The following SLC22A3 variants were observed in gnomAD, a reference collection of about 807,000 sequenced individuals.
SLC22A3 encodes solute carrier family 22 member 3.
Under a neutral mutation model 59.1 loss-of-function variants are expected in SLC22A3, and 51 were observed. The ratio of observed to expected loss-of-function variants is 0.86; its 90% CI spans 0.69 to 1.09. The LOEUF (loss-of-function observed/expected upper bound fraction) is 1.09. Among genes scored for constraint, SLC22A3 ranks in the 50% least tolerant of loss-of-function variants. SLC22A3 has a pLI of 0.00. For synonymous variants in SLC22A3, 325 were observed against 292.0 expected (o/e 1.11, Z -1.15); for missense variants, 711 against 726.3 (o/e 0.98, Z 0.24).
At chr6:160,435,911 C>T (rs1354034718) in intron 5 of SLC22A3, among the ~76,000 whole-genome samples, 2 of 152,248 alleles carry the variant, frequency 1.3e-5, no homozygotes, top group East Asian at 1.9e-4. Context: ...AATGCACTCC[C>T]GCCTTCCAAG....
intron 5 of SLC22A3, among the ~76,000 whole-genome samples, chr6:160,430,979 G>T (rs191351810): frequency 6.6e-6 from 1 of 152,270 alleles, no homozygotes; most frequent in East Asian, 1.9e-4. Flanking sequence ...AACTTTTGGG[G>T]ATCATGGAAA....
chr6:160,373,901 C>T (rs543296049), intron 1 of SLC22A3, among the ~76,000 whole-genome samples: 10 of 152,290 alleles, frequency 6.6e-5, no homozygotes, highest in Admixed American at 3.9e-4. Flanking sequence ...ACTGCTGTGC[C>T]GGCAGCAAGA....
rs137983387 is a variant in SLC22A3, at chr6:160,440,263, G to C, written c.1289-2498G>C. 6.9e-3 allele frequency among the ~76,000 whole-genome samples: 1,049 copies of C among 152,286 alleles called. 16 individuals carry two copies. The highest frequency in any genetic ancestry group is 0.024 in the African/African-American group (1,011 of 41,566). ...ACCACAAACCTAGCAGTTTGGATAA[G>C]TCGTCTTCTTGAACTGGAAAACTTG... On this transcript the variant is annotated intron_variant, in intron 7 of 10. Coordinates refer to ENST00000275300, the MANE Select transcript of SLC22A3 (RefSeq NM_021977.4).
At chr6:160,442,267 C>T (rs1362036033) in intron 7 of SLC22A3, among the ~76,000 whole-genome samples, 1 of 152,192 alleles carries the variant, frequency 6.6e-6, no homozygotes, top group Non-Finnish European at 1.5e-5. Flanking sequence ...AAGCTTGCTC[C>T]ACTCTAGAAA....
intron 2 of SLC22A3, among the ~76,000 whole-genome samples, chr6:160,401,723 A>G (rs1002876006): frequency 1.3e-5 from 2 of 152,008 alleles, no homozygotes; most frequent in African/African-American, 2.4e-5. Context: ...ATAAGCATAC[A>G]TAAGCATATA....
At chr6:160,352,689 A>G (rs1583436015) in intron 1 of SLC22A3, among the ~76,000 whole-genome samples, 1 of 152,176 alleles carries the variant, frequency 6.6e-6, no homozygotes, top group South Asian at 2.1e-4. Flanking sequence ...GTTTGTTTTT[A>G]TTAGAAGAGT....
At chr6:160,349,735 G>GTAA (rs1001109073) in intron 1 of SLC22A3, among the ~76,000 whole-genome samples, 1 of 152,188 alleles carries the variant, frequency 6.6e-6, no homozygotes, top group Non-Finnish European at 1.5e-5. Flanking sequence ...GAGTCACTTT[G>GTAA]TAATAATCGG....
At chr6:160,354,801 G>A (rs74438419) in intron 1 of SLC22A3, among the ~76,000 whole-genome samples, 4 of 152,080 alleles carry the variant, frequency 2.6e-5, no homozygotes, top group East Asian at 3.9e-4. Context: ...AAAATATCTC[G>A]GACACTAATT....
chr6:160,434,871 A>G (rs1486405197), intron 5 of SLC22A3, among the ~76,000 whole-genome samples: 2 of 152,208 alleles, frequency 1.3e-5, no homozygotes, highest in Admixed American at 1.3e-4. Flanking sequence ...TGAAAAAGAT[A>G]AAAGTGTCTT....
At chr6:160,421,255 C>G (rs1429692030) in intron 5 of SLC22A3, among the ~76,000 whole-genome samples, 1 of 152,218 alleles carries the variant, frequency 6.6e-6, no homozygotes, top group Non-Finnish European at 1.5e-5. Flanking sequence ...TAGCTAGCCT[C>G]TCCATGTGGA....
At position 160,408,878 on chromosome 6, in the gene SLC22A3, TTAGCCATCACGC is replaced by T; in HGVS notation, c.816_827del (p.Ala273_Leu276del). ...CATCCCCAACTGGCAAGGAATCCAG[TTAGCCATCACGC>T]TGCCCAGCTTTCTCTTCCTCCTTTA... On this transcript the variant is annotated inframe_deletion, in exon 4 of 11. Transcript: ENST00000275300. The T allele has an allele frequency of 6.2e-7, 1 of 1,613,890 alleles. No homozygotes were observed. Among genetic ancestry groups the T allele is most frequent in the Non-Finnish European group, 8.5e-7 (1 of 1,179,882 alleles).
intron 2 of SLC22A3, among the ~76,000 whole-genome samples, chr6:160,400,655 A>AAC (rs55746106): frequency 1.0e-3 from 151 of 149,368 alleles, no homozygotes; most frequent in Middle Eastern, 3.4e-3. Flanking sequence ...TAAAAGCCAA[A>AAC]ACACACACAC....
intron 3 of SLC22A3, among the ~76,000 whole-genome samples, chr6:160,407,450 T>C (rs1013600594): frequency 1.2e-4 from 18 of 152,214 alleles, no homozygotes; most frequent in Non-Finnish European, 2.5e-4. Context: ...TTTATGTACT[T>C]CTACACTGTT....
chr6:160,440,957 A>AGT (rs201440715), intron 7 of SLC22A3, among the ~76,000 whole-genome samples: 7 of 151,620 alleles, frequency 4.6e-5, no homozygotes, highest in South Asian at 4.2e-4. Context: ...ATCATGGTGG[A>AGT]GTGTGTGTGT....
intron 1 of SLC22A3, among the ~76,000 whole-genome samples, chr6:160,375,383 C>T (rs1785552672): frequency 6.6e-6 from 1 of 152,172 alleles, no homozygotes. Context: ...CTTTGCAAAG[C>T]AAACATAATT....
At chr6:160,407,942 C>T (rs905729833) in intron 3 of SLC22A3, among the ~76,000 whole-genome samples, 1 of 152,092 alleles carries the variant, frequency 6.6e-6, no homozygotes, top group Non-Finnish European at 1.5e-5. Flanking sequence ...AATCTCCAAG[C>T]AGTGCGCATT....
intron 7 of SLC22A3, among the ~76,000 whole-genome samples, chr6:160,441,124 G>C (rs1204973990): frequency 6.6e-6 from 1 of 152,126 alleles, no homozygotes; most frequent in Non-Finnish European, 1.5e-5. Context: ...AACCCAACCT[G>C]GATAGTGAAG....
intron 1 of SLC22A3, among the ~76,000 whole-genome samples, chr6:160,385,466 G>A (rs1469415987): frequency 6.6e-6 from 1 of 152,192 alleles, no homozygotes; most frequent in African/African-American, 2.4e-5. Flanking sequence ...AGAGTTTGAT[G>A]GGGCTGAACA....
intron 1 of SLC22A3, among the ~76,000 whole-genome samples, chr6:160,377,570 T>A (rs1785647069): frequency 6.6e-6 from 1 of 152,178 alleles, no homozygotes; most frequent in Admixed American, 6.5e-5. Flanking sequence ...GTCTTAAGGC[T>A]GGAGTGGACT....
Sources: gnomAD v4.1 joint callset for allele counts (sites outside exome capture counted in the v4.1 genomes callset) on GRCh38, gnomAD v4.1.1 for gene constraint, MANE v1.5 for transcripts, NCBI Gene and HGNC (gene_info 2026-07-23, HGNC 2026-07-21) for gene names.